The following TEX11 variants were observed in gnomAD, a reference collection of about 807,000 sequenced individuals.
TEX11 encodes testis expressed 11, also known as testis-expressed protein 11.
TEX11 carries 7 observed loss-of-function variants against 84.4 expected under a neutral mutation model. The ratio of observed to expected loss-of-function variants is 0.08; its 90% CI spans 0.05 to 0.16. TEX11 has a LOEUF of 0.16. TEX11 is among the 10% of genes least tolerant of loss of function. The probability of loss-of-function intolerance (pLI) is 1.00; values close to 1 mark genes in which losing one functional copy is unlikely to be tolerated. For missense variants in TEX11, 551 were observed against 660.5 expected, an observed-to-expected ratio of 0.83 and a Z score of 1.82; for synonymous variants, 264 against 222.8, an observed-to-expected ratio of 1.18 and a Z score of -1.64.
chrX:70,640,040 A>T (rs1460577164), intron 17 of TEX11, among the ~76,000 whole-genome samples: 1 of 107,884 alleles, frequency 9.3e-6, no homozygotes, highest in Non-Finnish European at 1.9e-5. Context: ...AGAAGAATGT[A>T]TAACTAGAAT....
intron 9 of TEX11, among the ~76,000 whole-genome samples, chrX:70,774,421 A>G (rs2090989809): frequency 9.0e-6 from 1 of 111,221 alleles, no homozygotes; most frequent in Non-Finnish European, 1.9e-5. Context: ...TCCGAACTGG[A>G]AAAGAGGAAG....
At chrX:70,858,863 C>T (rs1403405064) in intron 5 of TEX11, among the ~76,000 whole-genome samples, 1 of 110,390 alleles carries the variant, frequency 9.1e-6, no homozygotes, top group Non-Finnish European at 1.9e-5. Context: ...CATGGTGAAA[C>T]CCCATCTCTA....
Position 70,732,660 on chromosome X carries a change from A to C in TEX11, c.844-7317T>G, listed in dbSNP as rs1289391308. On this transcript the variant is annotated intron_variant, in intron 11 of 29. Coordinates refer to ENST00000374333, the MANE Select transcript of TEX11 (RefSeq NM_031276.3). Reference sequence around the variant, plus strand: ...CTCAATGAAATAAAAGAGGATACAAACAAATGGAAGAACATTCCATGCTCA... The same window carrying C: ...CTCAATGAAATAAAAGAGGATACAACCAAATGGAAGAACATTCCATGCTCA... 3.6e-5 allele frequency among the ~76,000 whole-genome samples: 4 copies of C among 111,639 alleles called. No individual in the cohort carries two copies. In the East Asian group the frequency reaches 1.1e-3, roughly 31 times the overall value.
At position 70,555,558 on chromosome X, in the gene TEX11, C is replaced by T. The variant is rs193268115; in HGVS notation, c.2141-758G>A. ...TGTGCTCCTTTCCAGTCAATACCATCCAACCAAGGTAGCAACTATCTTTGC... is the reference window on the plus strand; with the variant it reads ...TGTGCTCCTTTCCAGTCAATACCATTCAACCAAGGTAGCAACTATCTTTGC... On this transcript the variant is annotated intron_variant, in intron 25 of 29. Coordinates refer to ENST00000374333, the MANE Select transcript of TEX11 (RefSeq NM_031276.3). Among the ~76,000 whole-genome samples the T allele has an allele frequency of 1.3e-3, 147 of 112,038 alleles. 1 individual carries two copies. Among genetic ancestry groups the T allele is most frequent in the Admixed American group, 0.013 (135 of 10,495 alleles).
intron 13 of TEX11, among the ~76,000 whole-genome samples, chrX:70,695,685 C>T (rs1280098216): frequency 1.8e-5 from 2 of 111,775 alleles, no homozygotes; most frequent in Admixed American, 1.9e-4. Flanking sequence ...CATTTCTTTG[C>T]ATAATTGCTA....
At chrX:70,861,303 C>T (rs1160535366) in intron 4 of TEX11, among the ~76,000 whole-genome samples, 4 of 108,718 alleles carry the variant, frequency 3.7e-5, no homozygotes. Context: ...CCTCGTGATC[C>T]GCCCGCCTCG....
chrX:70,574,982 T>A (rs2088654910), intron 25 of TEX11, among the ~76,000 whole-genome samples: 1 of 111,174 alleles, frequency 9.0e-6, no homozygotes, highest in Non-Finnish European at 1.9e-5. Context: ...CATGGAGCTA[T>A]GAGGCAGAGT....
At chrX:70,688,799 T>C (rs1166043302) in intron 13 of TEX11, among the ~76,000 whole-genome samples, 2 of 106,091 alleles carry the variant, frequency 1.9e-5, no homozygotes, top group African/African-American at 3.4e-5. Flanking sequence ...TATATATAAT[T>C]TGATATTTTA....
chrX:70,706,071 A>G (rs996906293), intron 13 of TEX11, among the ~76,000 whole-genome samples: 3 of 111,579 alleles, frequency 2.7e-5, no homozygotes, highest in South Asian at 7.6e-4. Flanking sequence ...ATGTCCATCA[A>G]TGATAGACTG....
At chrX:70,871,881 A>AC (rs1237991949) in intron 4 of TEX11, among the ~76,000 whole-genome samples, 33 of 80,528 alleles carry the variant, frequency 4.1e-4, no homozygotes, top group African/African-American at 1.3e-3. Flanking sequence ...CTCTTACAGC[A>AC]CCCCCCCTTT....
chrX:70,614,668 G>A (rs1162017967), intron 20 of TEX11, among the ~76,000 whole-genome samples: 1 of 111,748 alleles, frequency 8.9e-6, no homozygotes, highest in Admixed American at 9.5e-5. Context: ...AACAACACAG[G>A]TGGTAGTCAG....
chrX:70,807,024 T>C (rs1300723296), intron 8 of TEX11, among the ~76,000 whole-genome samples: 1 of 112,274 alleles, frequency 8.9e-6, no homozygotes, highest in Non-Finnish European at 1.9e-5. Context: ...TGCAAAACAT[T>C]CAGGTTGGAG....
intron 25 of TEX11, among the ~76,000 whole-genome samples, chrX:70,559,530 G>A (rs1322256222): frequency 8.9e-6 from 1 of 112,094 alleles, no homozygotes; most frequent in Non-Finnish European, 1.9e-5. Flanking sequence ...GTATTGAATT[G>A]TACACTTTGA....
At chrX:70,851,485 T>G (rs2091507866) in intron 7 of TEX11, among the ~76,000 whole-genome samples, 1 of 111,443 alleles carries the variant, frequency 9.0e-6, no homozygotes, top group South Asian at 3.8e-4. Flanking sequence ...GCTAAAACTA[T>G]AAAACCTTTA....
At chrX:70,712,196 T>C (rs1163976076) in intron 13 of TEX11, among the ~76,000 whole-genome samples, 1 of 111,673 alleles carries the variant, frequency 9.0e-6, no homozygotes, top group Non-Finnish European at 1.9e-5. Context: ...ACTGTAGCCT[T>C]GTAGTATAGT....
At chrX:70,860,746 G>A (rs1408081051) in intron 5 of TEX11, 111 bp downstream of exon 5, 3 of 483,890 alleles carry the variant, frequency 6.2e-6, no homozygotes, top group Non-Finnish European at 1.1e-5. Flanking sequence ...CATCAAAAAA[G>A]GATAGCACTA....
At chrX:70,591,180 T>G (rs2147497185) in intron 25 of TEX11, among the ~76,000 whole-genome samples, 1 of 112,177 alleles carries the variant, frequency 8.9e-6, no homozygotes, top group Non-Finnish European at 1.9e-5. Flanking sequence ...TTGATAATAT[T>G]ATGTTAAACA....
chrX:70,754,188 C>T (rs746787760), intron 9 of TEX11, among the ~76,000 whole-genome samples: 3 of 110,504 alleles, frequency 2.7e-5, no homozygotes, highest in East Asian at 2.9e-4. Context: ...ATTTCTGGAC[C>T]GTGAGTGAGA....
chrX:70,843,931 A>G (rs2091462923), intron 7 of TEX11, among the ~76,000 whole-genome samples: 1 of 111,715 alleles, frequency 9.0e-6, no homozygotes, highest in Non-Finnish European at 1.9e-5. Flanking sequence ...CACACCAGTT[A>G]GAATGGCATC....
Sources: allele counts gnomAD v4.1 joint callset (sites outside exome capture counted in the v4.1 genomes callset), GRCh38; gene constraint gnomAD v4.1.1; transcripts MANE v1.5; gene names NCBI Gene and HGNC (gene_info 2026-07-23, HGNC 2026-07-21).